Variants in ABL1 observed in about 807,000 individuals in gnomAD.
The protein encoded by ABL1 is tyrosine-protein kinase ABL1.
ABL1 carries 11 observed loss-of-function variants against 94.7 expected under a neutral mutation model. The ratio of observed to expected loss-of-function variants is 0.12; its 90% CI spans 0.07 to 0.19. ABL1 has a LOEUF of 0.19. Ranked by LOEUF, ABL1 falls within the 10% of genes least tolerant of loss-of-function variation. ABL1 has a pLI of 1.00. For synonymous variants in ABL1, 656 were observed against 622.4 expected (o/e 1.05, Z -0.80); for missense variants, 1,082 against 1,489.4 (o/e 0.73, Z 4.50).
At position 130,886,622 on chromosome 9, in the gene ABL1, A is replaced by T. The variant is rs1312407389; in HGVS notation, c.*939A>T. 2 of 233,574 alleles carry T rather than the reference A, an allele frequency of 8.6e-6. No individual in the cohort carries two copies. Among genetic ancestry groups the T allele is most frequent in the Non-Finnish European group, 1.7e-5 (2 of 118,066 alleles). 14.5% of individuals were successfully genotyped at this position (233,574 alleles called of 1,614,324 possible). On this transcript the variant is annotated 3_prime_UTR_variant, in exon 11 of 11. Coordinates refer to ENST00000318560, the MANE Select transcript of ABL1 (RefSeq NM_005157.6). ...CCCAGGCAGGTCTGCAAGGGCCCAG[A>T]GTGAACCGTCCTTTCACACATCTGG...
At chr9:130,731,302 C>T (rs1016748685) in intron 1 of ABL1, among the ~76,000 whole-genome samples, 2 of 152,054 alleles carry the variant, frequency 1.3e-5, no homozygotes, top group African/African-American at 2.4e-5. Context: ...CCACTGCGTC[C>T]GGCTGCTTTT....
intron 1 of ABL1, among the ~76,000 whole-genome samples, chr9:130,847,861 G>T (rs2093742295): frequency 6.6e-6 from 1 of 152,112 alleles, no homozygotes; most frequent in African/African-American, 2.4e-5. Flanking sequence ...ACATGTTCGG[G>T]ACCATCCCAC....
At chr9:130,822,543 A>G (rs1830375455) in intron 1 of ABL1, among the ~76,000 whole-genome samples, 1 of 148,528 alleles carries the variant, frequency 6.7e-6, no homozygotes. Context: ...AGCTGGGACT[A>G]TAGGCACACA....
At chr9:130,714,599 C>T (rs1831413181) in intron 1 of ABL1, 16 of 1,117,586 alleles carry the variant, frequency 1.4e-5, no homozygotes, top group Non-Finnish European at 2.0e-5. Flanking sequence ...CTTAGTGGAA[C>T]TTTCTTTGTA....
chr9:130,849,507 T>C (rs966963668), intron 1 of ABL1, among the ~76,000 whole-genome samples: 4 of 151,210 alleles, frequency 2.6e-5, no homozygotes, highest in African/African-American at 9.9e-5. Flanking sequence ...ACACTTTCCA[T>C]GTTTAATGGT....
At chr9:130,865,679 G>A (rs1831142513) in intron 4 of ABL1, among the ~76,000 whole-genome samples, 1 of 149,592 alleles carries the variant, frequency 6.7e-6, no homozygotes, top group Non-Finnish European at 1.5e-5. Flanking sequence ...CCGGGAGGTT[G>A]AGGCTGCAGT....
At chr9:130,778,255 G>A (rs1290153008) in intron 1 of ABL1, among the ~76,000 whole-genome samples, 6 of 140,130 alleles carry the variant, frequency 4.3e-5, no homozygotes, top group African/African-American at 1.6e-4. Context: ...TTTCTAGACT[G>A]TGAGCAGGGG....
intron 1 of ABL1, among the ~76,000 whole-genome samples, chr9:130,809,299 G>T (rs545661308): frequency 2.0e-4 from 31 of 152,048 alleles, no homozygotes; most frequent in African/African-American, 7.2e-4. Context: ...AATAGTTCCT[G>T]TTCCCAGTAG....
At chr9:130,722,873 AAATG>A (rs1295290011) in intron 1 of ABL1, among the ~76,000 whole-genome samples, 8 of 152,242 alleles carry the variant, frequency 5.3e-5, no homozygotes, top group Non-Finnish European at 1.2e-4. Context: ...TTGTCAAAGA[AAATG>A]AAAGTGGGAA....
At chr9:130,739,137 A>G (rs921462730) in intron 1 of ABL1, among the ~76,000 whole-genome samples, 2 of 152,072 alleles carry the variant, frequency 1.3e-5, no homozygotes, top group African/African-American at 4.8e-5. Context: ...CAAGTGATCC[A>G]CCTGCCTCAG....
chr9:130,786,805 GT>G (rs2132797885), intron 1 of ABL1, among the ~76,000 whole-genome samples: 2 of 152,206 alleles, frequency 1.3e-5, no homozygotes, highest in South Asian at 4.1e-4. Context: ...TTTGCAATTA[GT>G]TATTCACTTT....
chr9:130,857,588 C>A (rs1444149229), intron 3 of ABL1, among the ~76,000 whole-genome samples: 2 of 151,964 alleles, frequency 1.3e-5, no homozygotes, highest in African/African-American at 4.8e-5. Context: ...TGGCTTCATA[C>A]CATGTTGTGG....
chr9:130,854,922 C>T lies in ABL1; in HGVS notation c.375C>T (p.His125=), dbSNP rs1487913743. ...YITPVNSLEK[H]SWYHGPVSRN... ...CGCCAGTCAACAGTCTGGAGAAACA[C>T]TCCTGGTACCATGGGCCTGTGTCCC... The change falls in exon 3 of 11, where the codon CAC becomes CAT. Residue 125 remains histidine (H), a synonymous_variant. Transcript: ENST00000318560. The T allele has an allele frequency of 1.7e-5, 27 of 1,614,124 alleles. No individual in the cohort carries two copies. The highest frequency in any genetic ancestry group is 4.0e-5 in the African/African-American group (3 of 74,946).
At chr9:130,855,662 G>A (rs946849208) in intron 3 of ABL1, among the ~76,000 whole-genome samples, 4 of 152,120 alleles carry the variant, frequency 2.6e-5, no homozygotes, top group Non-Finnish European at 4.4e-5. Flanking sequence ...AAGGGAGGTG[G>A]CCTATATGAT....
chr9:130,715,717 C>T (rs1465717719), intron 1 of ABL1, among the ~76,000 whole-genome samples: 5 of 152,132 alleles, frequency 3.3e-5, no homozygotes, highest in Admixed American at 6.6e-5. Context: ...AGAGCTTTGG[C>T]GGAACTTATC....
rs557655511 is a variant in ABL1, at chr9:130,771,793, G to A, written c.136+57338G>A. 6.8e-5 allele frequency among the ~76,000 whole-genome samples: 8 copies of A among 118,330 alleles called. No individual in the cohort carries two copies. In the South Asian group the frequency reaches 1.6e-3, roughly 24 times the overall value. 77.6% of individuals were successfully genotyped at this position (118,330 alleles called of 152,430 possible). On this transcript the variant is annotated intron_variant, in intron 1 of 10. Transcript: ENST00000372348. The stretch of plus-strand genomic sequence containing the variant: ...TTTTGAGACAGAGTCTTACTCTGTC[G>A]CCCAGGCTGGAGTGCAGTGGCAGAA...
rs377450717 is a variant in ABL1, at chr9:130,884,784, C to T, written c.2494C>T (p.His832Tyr). 1.2e-6 allele frequency: 2 copies of T among 1,610,748 alleles called. No homozygotes were observed. Among genetic ancestry groups the T allele is most frequent in the Admixed American group, 1.7e-5 (1 of 59,822 alleles). ...VTVAPASGLP[H>Y]KEEAGKGSAL... ...CGTGGCCCCTGCCTCGGGCCTCCCC[C>T]ACAAGGAAGAAGCTGGAAAGGGCAG... The change falls in exon 11 of 11, where the codon CAC becomes TAC. Residue 832 changes from histidine to tyrosine, a missense_variant. His to Tyr is a moderately conservative substitution (Grantham distance 83, BLOSUM62 2). Around this residue, in one of 7 missense-constraint regions of ABL1, gnomAD observed 780 missense variants for 835.8 expected, o/e 0.93. Coordinates refer to ENST00000318560, the MANE Select transcript of ABL1 (RefSeq NM_005157.6). This position sits in a 1 kb window ranked among gnomAD's most constrained non-coding sequence, Gnocchi z 5.6.
intron 1 of ABL1, among the ~76,000 whole-genome samples, chr9:130,746,713 G>T (rs1341460516): frequency 1.3e-5 from 2 of 151,832 alleles, no homozygotes; most frequent in Admixed American, 1.3e-4. Flanking sequence ...GCTTGGTGGG[G>T]CATTGGTGAT....
At chr9:130,747,339 C>T (rs1180082532) in intron 1 of ABL1, among the ~76,000 whole-genome samples, 1 of 152,126 alleles carries the variant, frequency 6.6e-6, no homozygotes, top group African/African-American at 2.4e-5. Context: ...GATTGCACCA[C>T]TGTGCTCCAT....
Sources: allele counts gnomAD v4.1 joint callset (sites outside exome capture counted in the v4.1 genomes callset), GRCh38; gene constraint gnomAD v4.1.1; regional missense constraint gnomAD v4.1.1; non-coding constraint Gnocchi (gnomAD v3.1); transcripts MANE v1.5; gene names NCBI Gene and HGNC (gene_info 2026-07-23, HGNC 2026-07-21).